The following INPP4B variants were observed in gnomAD, a reference collection of about 807,000 sequenced individuals.
INPP4B encodes inositol polyphosphate-4-phosphatase type II B.
A neutral mutation model predicts 122.5 loss-of-function variants in INPP4B; 55 were observed. That is an observed-to-expected ratio of 0.45 (90% CI 0.36 to 0.56). The LOEUF (loss-of-function observed/expected upper bound fraction) is 0.56. INPP4B is among the 20% of genes least tolerant of loss of function. INPP4B has a pLI of 0.00. For synonymous variants in INPP4B, 403 were observed against 388.7 expected (o/e 1.04, Z -0.43); for missense variants, 1,000 against 1,097.7 (o/e 0.91, Z 1.26).
At chr4:142,772,686 T>C (rs1243192227) in intron 1 of INPP4B, among the ~76,000 whole-genome samples, 3 of 152,044 alleles carry the variant, frequency 2.0e-5, no homozygotes, top group African/African-American at 7.2e-5. Context: ...ATAATAAAAG[T>C]GGCTGTCCAA....
At chr4:142,818,409 G>A (rs535152927) in intron 1 of INPP4B, among the ~76,000 whole-genome samples, 1 of 151,706 alleles carries the variant, frequency 6.6e-6, no homozygotes, top group South Asian at 2.1e-4. Flanking sequence ...TCCAGGGCTT[G>A]TTTTTTCTAC....
chr4:142,092,514 C>T (rs1447046548), intron 23 of INPP4B, among the ~76,000 whole-genome samples: 3 of 152,116 alleles, frequency 2.0e-5, no homozygotes, highest in Non-Finnish European at 4.4e-5. Context: ...TGGTCTCAAA[C>T]TCCTGACCTC....
At position 142,765,723 on chromosome 4, in the gene INPP4B, C is replaced by A. The variant is rs1313365140; in HGVS notation, c.-253-39822G>T. Among the ~76,000 whole-genome samples, 3 of 152,194 alleles carry A rather than the reference C, an allele frequency of 2.0e-5. No individual in the cohort carries two copies. In the East Asian group the frequency reaches 5.8e-4, roughly 29 times the overall value. On this transcript the variant is annotated intron_variant, in intron 1 of 25. Transcript: ENST00000262992. ...AGTTGACAACATAGTATGCCAACAT[C>A]TTTCTTTTATTTATATAAACATGAA...
chr4:142,041,937 A>G (rs1747853881), intron 25 of INPP4B, among the ~76,000 whole-genome samples: 2 of 152,192 alleles, frequency 1.3e-5, no homozygotes, highest in South Asian at 4.1e-4. Flanking sequence ...CTCTGCTGCC[A>G]CCTCAGATCA....
intron 14 of INPP4B, among the ~76,000 whole-genome samples, chr4:142,202,015 A>C (rs946822242): frequency 1.1e-4 from 16 of 151,986 alleles, no homozygotes; most frequent in African/African-American, 2.9e-4. Flanking sequence ...AAGCAAACAA[A>C]ATACAGTTTT....
intron 11 of INPP4B, among the ~76,000 whole-genome samples, chr4:142,257,027 C>A (rs1000944760): frequency 6.6e-6 from 1 of 152,118 alleles, no homozygotes; most frequent in Non-Finnish European, 1.5e-5. Flanking sequence ...GGGTTTCATC[C>A]CTAGGATGCA....
intron 7 of INPP4B, among the ~76,000 whole-genome samples, chr4:142,385,372 T>TAAAA (rs199869287): frequency 6.9e-6 from 1 of 145,274 alleles, no homozygotes. Flanking sequence ...TACTGAACCT[T>TAAAA]AAAAAAAAAA....
At chr4:142,245,235 A>C (rs1343045534) in intron 11 of INPP4B, among the ~76,000 whole-genome samples, 2 of 152,030 alleles carry the variant, frequency 1.3e-5, no homozygotes, top group Non-Finnish European at 2.9e-5. Context: ...CCCATTTGTC[A>C]ATTTTGGCTT....
At chr4:142,647,519 G>C (rs940697878) in intron 2 of INPP4B, among the ~76,000 whole-genome samples, 1 of 152,178 alleles carries the variant, frequency 6.6e-6, no homozygotes, top group Non-Finnish European at 1.5e-5. Context: ...CACCACAATG[G>C]TGCCTAACGC....
intron 1 of INPP4B, among the ~76,000 whole-genome samples, 176 bp from the exon 2 acceptor site, chr4:142,726,077 C>A (rs7438403): frequency 6.6e-6 from 1 of 152,194 alleles, no homozygotes. Context: ...CAAATCACTT[C>A]CCCAAATGTC....
chr4:142,089,789 C>T (rs72718416), intron 23 of INPP4B, among the ~76,000 whole-genome samples: 15,336 of 152,078 alleles, frequency 0.1, 1,029 homozygotes, highest in South Asian at 0.2. Context: ...ATTGTAGTTC[C>T]AACACACCAC....
At chr4:142,257,796 C>T (rs1737161981) in intron 11 of INPP4B, among the ~76,000 whole-genome samples, 1 of 152,004 alleles carries the variant, frequency 6.6e-6, no homozygotes, top group Non-Finnish European at 1.5e-5. Flanking sequence ...TTTATAGATT[C>T]AATGCCATCC....
chr4:142,045,554 T>A (rs1750905162), intron 25 of INPP4B, among the ~76,000 whole-genome samples: 1 of 152,100 alleles, frequency 6.6e-6, no homozygotes, highest in Admixed American at 6.6e-5. Context: ...TTTTCTTTTT[T>A]AAAATTGGTA....
intron 25 of INPP4B, among the ~76,000 whole-genome samples, chr4:142,041,724 GCTCT>G (rs542014892): frequency 7.4e-4 from 113 of 152,148 alleles, no homozygotes; most frequent in Admixed American, 3.6e-3. Flanking sequence ...CTCAGTTCTG[GCTCT>G]TTTTTCTCTA....
intron 25 of INPP4B, among the ~76,000 whole-genome samples, chr4:142,065,714 G>A (rs1172664839): frequency 3.3e-5 from 5 of 152,132 alleles, no homozygotes; most frequent in Non-Finnish European, 5.9e-5. Flanking sequence ...TGGAAATGGG[G>A]TTTCATTTAG....
intron 7 of INPP4B, among the ~76,000 whole-genome samples, chr4:142,318,402 C>T (rs922106944): frequency 1.3e-5 from 2 of 152,130 alleles, no homozygotes; most frequent in African/African-American, 4.8e-5. Context: ...AGGGATGAAG[C>T]AAAGGCTGTC....
At chr4:142,213,488 C>A (rs1382819166) in intron 12 of INPP4B, among the ~76,000 whole-genome samples, 1 of 152,096 alleles carries the variant, frequency 6.6e-6, no homozygotes, top group African/African-American at 2.4e-5. Flanking sequence ...ATTGCACAAA[C>A]CCTGGAGTAA....
chr4:142,521,038 T>C (rs1826007966), intron 2 of INPP4B, among the ~76,000 whole-genome samples: 1 of 151,910 alleles, frequency 6.6e-6, no homozygotes, highest in African/African-American at 2.4e-5. Context: ...ACACAATAAT[T>C]TCTCAGAAAA....
chr4:142,282,684 C>G (rs1000553469), intron 9 of INPP4B, among the ~76,000 whole-genome samples: 1 of 152,148 alleles, frequency 6.6e-6, no homozygotes, highest in African/African-American at 2.4e-5. Flanking sequence ...AGGCCCTCCA[C>G]ATTGGCAGTT....
Sources: gnomAD v4.1 joint callset for allele counts (sites outside exome capture counted in the v4.1 genomes callset) on GRCh38, gnomAD v4.1.1 for gene constraint, MANE v1.5 for transcripts, NCBI Gene and HGNC (gene_info 2026-07-23, HGNC 2026-07-21) for gene names.